Variants in GABRB2 observed in about 807,000 individuals in gnomAD.
GABRB2 encodes gamma-aminobutyric acid type A receptor subunit beta2, also known as gamma-aminobutyric acid receptor subunit beta-2.
In GABRB2, 16 loss-of-function variants were observed where a neutral mutation model predicts 54.7. The observed-to-expected ratio is 0.29, with a 90% CI of 0.20 to 0.44. The LOEUF is 0.44. Among genes scored for constraint, GABRB2 ranks in the 20% least tolerant of loss-of-function variants. The pLI is 1.00. For missense variants in GABRB2, 355 were observed against 644.0 expected (o/e 0.55, Z 4.86); for synonymous variants, 244 against 233.8 (o/e 1.04, Z -0.40).
chr5:161,357,195 A>C (rs34415471), intron 5 of GABRB2, among the ~76,000 whole-genome samples: 3,353 of 152,318 alleles, frequency 0.022, 57 homozygotes, highest in Non-Finnish European at 0.034. Flanking sequence ...TTTTAAGCAG[A>C]ACCATCAGTG....
At chr5:161,310,677 G>GCACACA (rs71579135) in intron 9 of GABRB2, among the ~76,000 whole-genome samples, 3 of 150,604 alleles carry the variant, frequency 2.0e-5, no homozygotes, top group Non-Finnish European at 3.0e-5. Context: ...GCGCACGCGC[G>GCACACA]CACACACACA....
At chr5:161,536,160 C>G (rs1302800021) in intron 3 of GABRB2, among the ~76,000 whole-genome samples, 1 of 152,108 alleles carries the variant, frequency 6.6e-6, no homozygotes, top group African/African-American at 2.4e-5. Context: ...TGTAGCAACA[C>G]TAAATGGACT....
intron 5 of GABRB2, among the ~76,000 whole-genome samples, chr5:161,368,086 A>C (rs1755021864): frequency 6.7e-6 from 1 of 148,930 alleles, no homozygotes; most frequent in Admixed American, 6.8e-5. Context: ...AGAATATCCT[A>C]TTTAATTTAT....
At chr5:161,446,545 G>C (rs1757619510) in intron 4 of GABRB2, among the ~76,000 whole-genome samples, 1 of 152,062 alleles carries the variant, frequency 6.6e-6, no homozygotes, top group African/African-American at 2.4e-5. Context: ...CATCATGAAA[G>C]GCACAGACTT....
intron 5 of GABRB2, among the ~76,000 whole-genome samples, chr5:161,410,362 A>G (rs1756470392): frequency 6.7e-6 from 1 of 149,532 alleles, no homozygotes; most frequent in African/African-American, 2.5e-5. Context: ...GCACATTGCA[A>G]AACAAGTCAG....
chr5:161,315,782 G>A (rs564689593), intron 9 of GABRB2, among the ~76,000 whole-genome samples: 2 of 152,160 alleles, frequency 1.3e-5, no homozygotes, highest in East Asian at 3.9e-4. Context: ...TCATTTCCTT[G>A]TGTCAAGAAC....
intron 3 of GABRB2, among the ~76,000 whole-genome samples, chr5:161,478,330 A>G (rs1337986260): frequency 1.3e-5 from 2 of 152,182 alleles, no homozygotes; most frequent in South Asian, 2.1e-4. Flanking sequence ...CAAAGGTTGC[A>G]TACATATTAC....
At chr5:161,419,923 C>T (rs1481349224) in intron 4 of GABRB2, among the ~76,000 whole-genome samples, 1 of 151,958 alleles carries the variant, frequency 6.6e-6, no homozygotes, top group Non-Finnish European at 1.5e-5. Flanking sequence ...GCAATATATC[C>T]ACATAAGAAA....
intron 9 of GABRB2, among the ~76,000 whole-genome samples, chr5:161,309,632 A>ATT (rs35978513): frequency 4.8e-5 from 7 of 145,578 alleles, no homozygotes; most frequent in Non-Finnish European, 7.6e-5. Context: ...GATAGACTAA[A>ATT]TTTTTTTTTT....
chr5:161,407,880 C>G (rs781500664), intron 5 of GABRB2, among the ~76,000 whole-genome samples: 2 of 151,840 alleles, frequency 1.3e-5, no homozygotes, highest in Non-Finnish European at 2.9e-5. Flanking sequence ...TTATCAAGAC[C>G]CATTTAATTC....
At chr5:161,347,225 T>C (rs1396553976) in intron 5 of GABRB2, among the ~76,000 whole-genome samples, 3 of 152,106 alleles carry the variant, frequency 2.0e-5, no homozygotes, top group Non-Finnish European at 4.4e-5. Context: ...GAAACTATTT[T>C]TCTCATTTTA....
intron 9 of GABRB2, among the ~76,000 whole-genome samples, chr5:161,309,090 TTTTTGC>T (rs1757784072): frequency 1.3e-5 from 2 of 152,174 alleles, no homozygotes; most frequent in South Asian, 4.1e-4. Context: ...TGAGAGAACA[TTTTTGC>T]AAACAATGCA....
intron 3 of GABRB2, among the ~76,000 whole-genome samples, chr5:161,470,371 T>C (rs1758403164): frequency 6.6e-6 from 1 of 151,998 alleles, no homozygotes; most frequent in Non-Finnish European, 1.5e-5. Flanking sequence ...CTATGTATAC[T>C]ATGATTTTTC....
intron 5 of GABRB2, among the ~76,000 whole-genome samples, chr5:161,367,606 C>G (rs1169196933): frequency 1.3e-5 from 2 of 152,146 alleles, no homozygotes; most frequent in African/African-American, 4.8e-5. Flanking sequence ...CATTTCCCCT[C>G]CAAATTTTCT....
chr5:161,503,709 C>CAA (rs33992062), intron 3 of GABRB2, among the ~76,000 whole-genome samples: 5,551 of 91,490 alleles, frequency 0.061, 213 homozygotes, highest in Admixed American at 0.15. Context: ...AATTCCTTCT[C>CAA]AAAAAAAAAA....
At chr5:161,420,488 G>A (rs927783403) in intron 4 of GABRB2, among the ~76,000 whole-genome samples, 3 of 152,184 alleles carry the variant, frequency 2.0e-5, no homozygotes, top group Non-Finnish European at 4.4e-5. Flanking sequence ...TGGGCTTCAG[G>A]GCAGATGTGG....
At chr5:161,432,131 T>C (rs1367009541) in intron 4 of GABRB2, among the ~76,000 whole-genome samples, 1 of 152,150 alleles carries the variant, frequency 6.6e-6, no homozygotes. Flanking sequence ...AAGAATGTGG[T>C]TTCTGCAGTT....
At chr5:161,400,738 T>C (rs946489217) in intron 5 of GABRB2, among the ~76,000 whole-genome samples, 2 of 152,182 alleles carry the variant, frequency 1.3e-5, no homozygotes, top group East Asian at 3.9e-4. Context: ...TGGCTGTTCT[T>C]TGAGTTGAAA....
chr5:161,315,545 A>G (rs916832442), intron 9 of GABRB2, among the ~76,000 whole-genome samples: 5 of 152,184 alleles, frequency 3.3e-5, no homozygotes. Context: ...CATTATTATT[A>G]TAATCTAATG....
Sources: allele counts gnomAD v4.1 joint callset (sites outside exome capture counted in the v4.1 genomes callset), GRCh38; gene constraint gnomAD v4.1.1; transcripts MANE v1.5; gene names NCBI Gene and HGNC (gene_info 2026-07-23, HGNC 2026-07-21).